Variants in A2ML1 observed in about 807,000 individuals in gnomAD.
A2ML1 encodes the protein alpha-2-macroglobulin like 1.
A2ML1 carries 161 observed loss-of-function variants against 181.9 expected under a neutral mutation model. That is an observed-to-expected ratio of 0.89 (90% confidence interval 0.78 to 1.01). A2ML1 has a LOEUF of 1.01. Among genes scored for constraint, A2ML1 ranks in the 50% least tolerant of loss-of-function variants. The pLI is 0.00. For synonymous variants in A2ML1, 663 were observed against 666.8 expected, an observed-to-expected ratio of 0.99 and a Z score of 0.09; for missense variants, 1,670 against 1,768.1, an observed-to-expected ratio of 0.94 and a Z score of 1.00.
chr12:8,854,946 T>G (rs894222772), intron 22 of A2ML1, 115 bp downstream of exon 22: 34 of 1,102,624 alleles, frequency 3.1e-5, no homozygotes, highest in East Asian at 1.3e-4. Flanking sequence ...CCAGGCTGGA[T>G]TGCAGTGGCA....
chr12:8,845,964 G>A (rs938108249), intron 13 of A2ML1, 113 bp from the exon 14 acceptor site: 13 of 1,141,904 alleles, frequency 1.1e-5, no homozygotes, highest in Non-Finnish European at 1.5e-5. Context: ...AAAATGAGAA[G>A]TAACTTGCAC....
At chr12:8,826,573 A>G (rs1259311001) in intron 3 of A2ML1, among the ~76,000 whole-genome samples, 1 of 151,878 alleles carries the variant, frequency 6.6e-6, no homozygotes, top group Non-Finnish European at 1.5e-5. Context: ...TCAGCATCCC[A>G]AGTAGCTGGG....
intron 21 of A2ML1, 146 bp downstream of exon 21, chr12:8,854,395 G>C (rs1488901587): frequency 7.7e-7 from 1 of 1,305,024 alleles, no homozygotes; most frequent in East Asian, 2.4e-5. Context: ...TTGAACATTT[G>C]CCTAATCCAC....
chr12:8,836,441 G>A, intron 7 of A2ML1, 102 bp downstream of exon 7: 1 of 937,668 alleles, frequency 1.1e-6, no homozygotes, highest in Non-Finnish European at 1.6e-6. Flanking sequence ...CCAAAACTTG[G>A]GGCATTTTAT....
At chr12:8,844,327 C>T (rs1234170053) in intron 12 of A2ML1, among the ~76,000 whole-genome samples, 1 of 150,384 alleles carries the variant, frequency 6.6e-6, no homozygotes, top group Non-Finnish European at 1.5e-5. Context: ...GTCTTGAACT[C>T]CTGACCTCAG....
Position 8,842,616 on chromosome 12 carries a change from G to A in A2ML1, c.1249-518G>A, listed in dbSNP as rs751252429. Reference sequence around the variant, plus strand: ...CCACATGCTCAAGGATGCTGATCTCGGAGGGGGCGGGGTGCGTGTGAGGAA... The same window carrying A: ...CCACATGCTCAAGGATGCTGATCTCAGAGGGGGCGGGGTGCGTGTGAGGAA... On this transcript the variant is annotated intron_variant, in intron 11 of 35. Transcript: ENST00000299698. 2.0e-3 allele frequency among the ~76,000 whole-genome samples: 301 copies of A among 152,304 alleles called. 1 individual carries two copies. The highest frequency in any genetic ancestry group is 6.0e-3 in the African/African-American group (251 of 41,564).
rs761015750 is a variant in A2ML1 at position 8,874,999 on chromosome 12, T to C, written c.4353T>C (p.Asp1451=). The C allele has an allele frequency of 6.2e-7, 1 of 1,614,180 alleles. No homozygotes were observed. The highest frequency in any genetic ancestry group is 1.7e-5 in the Admixed American group (1 of 60,024). The change falls in exon 35 of 36, where the codon GAT becomes GAC. Residue 1451 remains aspartate, a synonymous_variant. Coordinates refer to ENST00000299698, the MANE Select transcript of A2ML1 (RefSeq NM_144670.6). ...AACAGGCAACAATTCAGTATTCTGA[T>C]CCCTGTGAATGAGGTAAGTCCAGCG... ...PDEQATIQYS[D]PCE
At chr12:8,843,808 T>C (rs1310924402) in intron 12 of A2ML1, among the ~76,000 whole-genome samples, 4 of 150,014 alleles carry the variant, frequency 2.7e-5, no homozygotes, top group Non-Finnish European at 4.4e-5. Flanking sequence ...AAGCTCCACC[T>C]CCCAGGTTCA....
rs368824526 is a variant in A2ML1, at chr12:8,839,809, GC to G, written c.1080+588del. On this transcript the variant is annotated intron_variant, in intron 10 of 35. Coordinates refer to ENST00000299698, the MANE Select transcript of A2ML1 (RefSeq NM_144670.6). ...GTTGCCCAGCCTGAAGTGCAATGGC[GC>G]GATCTCTGTTCACCGCAACCTCCAC... Among the ~76,000 whole-genome samples the G allele has an allele frequency of 7.9e-4, 120 of 152,186 alleles. 1 individual carries two copies. Among genetic ancestry groups the G allele is most frequent in the East Asian group, 4.7e-3 (24 of 5,148 alleles).
In A2ML1 at chr12:8,874,009, TAA is replaced by T. The variant is rs200533939; in HGVS notation, c.4222-407_4222-406del. Among the ~76,000 whole-genome samples, 10 of 149,048 alleles carry T rather than the reference TAA, an allele frequency of 6.7e-5. 1 individual carries two copies. The highest frequency in any genetic ancestry group is 2.0e-4 in the African/African-American group (8 of 39,782). On this transcript the variant is annotated intron_variant, in intron 33 of 35. Coordinates refer to ENST00000299698, the MANE Select transcript of A2ML1 (RefSeq NM_144670.6). ...GGGTTTCAGAGAATCTTTTTTTAAT[TAA>T]AAAAAAAATTTTTTTTTAATTTGAG...
intron 29 of A2ML1, among the ~76,000 whole-genome samples, chr12:8,865,619 T>C (rs1386441339): frequency 6.6e-6 from 1 of 152,212 alleles, no homozygotes; most frequent in Non-Finnish European, 1.5e-5. Flanking sequence ...GTGTGTGAGA[T>C]AATTTAGAGA....
intron 4 of A2ML1, among the ~76,000 whole-genome samples, chr12:8,833,791 T>C (rs1262734543): frequency 1.3e-5 from 2 of 152,134 alleles, no homozygotes; most frequent in Admixed American, 6.6e-5. Flanking sequence ...ATAGCCCAGG[T>C]TTGTGGAAGT....
At chr12:8,885,359 T>C (rs1343076102) in intron 7 of A2ML1, among the ~76,000 whole-genome samples, 1 of 152,142 alleles carries the variant, frequency 6.6e-6, no homozygotes, top group Non-Finnish European at 1.5e-5. Flanking sequence ...CAGCTGTCTC[T>C]ACAAAATCAA....
intron 28 of A2ML1, among the ~76,000 whole-genome samples, chr12:8,863,062 T>C (rs1260085988): frequency 2.6e-5 from 4 of 152,078 alleles, no homozygotes; most frequent in African/African-American, 4.8e-5. Context: ...TCAGAATTCT[T>C]TCATATACTC....
At chr12:8,853,537 C>G (rs895241989) in intron 20 of A2ML1, among the ~76,000 whole-genome samples, 2 of 152,144 alleles carry the variant, frequency 1.3e-5, no homozygotes, top group Admixed American at 6.5e-5. Flanking sequence ...AGCTGTCAGT[C>G]AGGACTCTGG....
At chr12:8,870,379 TGCCTCAGCCTCC>T (rs142185483) in intron 33 of A2ML1, among the ~76,000 whole-genome samples, 6,439 of 152,178 alleles carry the variant, frequency 0.042, 425 homozygotes, top group African/African-American at 0.15. Flanking sequence ...GCCATTCTCC[TGCCTCAGCCTCC>T]CGAGTAGCTG....
chr12:8,827,196 C>T (rs1048871408), intron 3 of A2ML1, among the ~76,000 whole-genome samples: 7 of 152,076 alleles, frequency 4.6e-5, no homozygotes, highest in Non-Finnish European at 7.4e-5. Context: ...CCAAATTAGC[C>T]AAGCAAGGTG....
chr12:8,873,974 G>A (rs1015119342), intron 33 of A2ML1, among the ~76,000 whole-genome samples: 2 of 151,758 alleles, frequency 1.3e-5, no homozygotes, highest in Non-Finnish European at 2.9e-5. Flanking sequence ...GGGCAGTAGC[G>A]GTACATAGAG....
In A2ML1 at chr12:8,822,647, C is replaced by G; in HGVS notation, c.-5C>G. On this transcript the variant is annotated 5_prime_UTR_variant, in exon 1 of 36. Coordinates refer to ENST00000299698, the MANE Select transcript of A2ML1 (RefSeq NM_144670.6). ...ACCCTGGAAAAATCTGTCTCACCCA[C>G]AAAGATGTGGGCTCAGCTCCTTCTA... 1 of 1,613,852 alleles carries G rather than the reference C, an allele frequency of 6.2e-7. No homozygotes were observed. The highest frequency in any genetic ancestry group is 8.5e-7 in the Non-Finnish European group (1 of 1,179,740).
Sources: allele counts gnomAD v4.1 joint callset (sites outside exome capture counted in the v4.1 genomes callset), GRCh38; gene constraint gnomAD v4.1.1; transcripts MANE v1.5; gene names NCBI Gene and HGNC (gene_info 2026-07-23, HGNC 2026-07-21).